The following MKNK1 variants were observed in gnomAD, a reference collection of about 807,000 sequenced individuals.
MKNK1 encodes the protein MAPK interacting serine/threonine kinase 1, also known as MAP kinase-interacting serine/threonine-protein kinase 1.
A neutral mutation model predicts 49.3 loss-of-function variants in MKNK1; 30 were observed. That is an observed-to-expected ratio of 0.61 (90% CI 0.46 to 0.83). The LOEUF is 0.83. Among genes scored for constraint, MKNK1 ranks in the 40% least tolerant of loss-of-function variants. MKNK1 has a pLI of 0.00. For synonymous variants in MKNK1, 176 were observed against 201.7 expected, an observed-to-expected ratio of 0.87 and a Z score of 1.08; for missense variants, 423 against 524.7, an observed-to-expected ratio of 0.81 and a Z score of 1.89.
chr1:46,585,975 C>A (rs1306414599), intron 2 of MKNK1: 8 of 1,339,552 alleles, frequency 6.0e-6, no homozygotes, highest in Admixed American at 3.9e-5. Flanking sequence ...GTTTCTGAAA[C>A]TAGGAAGGAA....
chr1:46,571,667 A>G, intron 7 of MKNK1: 1 of 341,206 alleles, frequency 2.9e-6, no homozygotes, highest in South Asian at 2.3e-5. Context: ...TTTTAAGACT[A>G]GAAGGAATAA....
intron 8 of MKNK1, among the ~76,000 whole-genome samples, chr1:46,565,894 T>A (rs1668973959): frequency 6.6e-6 from 1 of 152,178 alleles, no homozygotes; most frequent in Non-Finnish European, 1.5e-5. Context: ...TCCCTCGACT[T>A]CTTTCTCCCC....
chr1:46,587,299 A>T (rs1672712057), intron 2 of MKNK1, among the ~76,000 whole-genome samples: 1 of 152,076 alleles, frequency 6.6e-6, no homozygotes, highest in East Asian at 1.9e-4. Context: ...GGTCCACCAC[A>T]TGTGTCTATT....
chr1:46,568,086 C>T (rs1669399360), intron 8 of MKNK1: 1 of 204,718 alleles, frequency 4.9e-6, no homozygotes, highest in African/African-American at 2.4e-5. Context: ...CATGCCACTG[C>T]ATTCCAGCTT....
chr1:46,601,074 G>A lies in MKNK1; in HGVS notation c.-171+3111C>T, dbSNP rs947450114. Reference sequence around the variant, plus strand: ...TGGGATTACAGGCACCCACCACCATGCACAGCTAATTTTTGTATTTTTAGT... The same window carrying A: ...TGGGATTACAGGCACCCACCACCATACACAGCTAATTTTTGTATTTTTAGT... On this transcript the variant is annotated intron_variant, in intron 1 of 12. Coordinates refer to ENST00000371945, the MANE Select transcript of MKNK1 (RefSeq NM_001135553.4). 6.6e-5 allele frequency among the ~76,000 whole-genome samples: 10 copies of A among 152,178 alleles called. No homozygotes were observed. In the East Asian group the frequency reaches 1.9e-3, roughly 29 times the overall value.
At chr1:46,576,266 T>C (rs914319344) in intron 5 of MKNK1, 1 of 319,260 alleles carries the variant, frequency 3.1e-6, no homozygotes, top group Non-Finnish European at 6.0e-6. Context: ...TCAGTCAACC[T>C]AGTTTCCACA....
At chr1:46,572,399 T>C in intron 6 of MKNK1, 1 of 342,730 alleles carries the variant, frequency 2.9e-6, no homozygotes, top group Non-Finnish European at 5.6e-6. Flanking sequence ...TTTTTTTTTT[T>C]AGTAGAGATG....
At chr1:46,566,590 T>C (rs1284705021) in intron 8 of MKNK1, among the ~76,000 whole-genome samples, 1 of 152,240 alleles carries the variant, frequency 6.6e-6, no homozygotes, top group African/African-American at 2.4e-5. Context: ...TGCACCATTA[T>C]ATAATCTCAC....
chr1:46,572,290 T>C, intron 6 of MKNK1, 123 bp from the exon 7 acceptor site: 1 of 702,954 alleles, frequency 1.4e-6, no homozygotes, highest in East Asian at 3.1e-5. Context: ...CTCGGCTCAC[T>C]GCAACCTCCG....
chr1:46,581,434 C>G (rs552336858), intron 3 of MKNK1, among the ~76,000 whole-genome samples: 19 of 147,948 alleles, frequency 1.3e-4, no homozygotes, highest in African/African-American at 4.8e-4. Context: ...CGCTTGAACC[C>G]GAGAGGCGGA....
intron 3 of MKNK1, among the ~76,000 whole-genome samples, chr1:46,582,555 A>G (rs1671900567): frequency 6.6e-6 from 1 of 152,212 alleles, no homozygotes; most frequent in Admixed American, 6.5e-5. Flanking sequence ...AAAGAAAACA[A>G]AACAGATGAA....
intron 6 of MKNK1, chr1:46,574,741 A>G (rs939265805): frequency 1.9e-6 from 1 of 535,326 alleles, no homozygotes; most frequent in African/African-American, 1.9e-5. Context: ...TTTATAAAAT[A>G]CCCACACAGG....
At chr1:46,565,804 C>T (rs997633277) in intron 8 of MKNK1, among the ~76,000 whole-genome samples, 21 of 152,180 alleles carry the variant, frequency 1.4e-4, no homozygotes, top group African/African-American at 5.1e-4. Flanking sequence ...GAATGGCCTA[C>T]ATGGCATGTA....
chr1:46,594,080 A>G lies in MKNK1; in HGVS notation c.-3+33T>C, dbSNP rs1401712188. ...AGATCATTTCAATTTGAAGTAATCTAAAAGGATAACTAAAATGTACACCCA... is the reference window on the plus strand; with the variant it reads ...AGATCATTTCAATTTGAAGTAATCTGAAAGGATAACTAAAATGTACACCCA... On this transcript the variant is annotated intron_variant, in intron 2 of 12. Transcript: ENST00000371945. 3.9e-6 allele frequency: 6 copies of G among 1,528,344 alleles called. No individual in the cohort carries two copies. In the South Asian group the frequency reaches 5.6e-5, roughly 14 times the overall value. The allele number at this position is 1,528,344 out of a possible 1,614,324, so 94.7% of individuals were successfully genotyped here. A position where few individuals can be genotyped will look rare whatever the true frequency, so the allele number is the denominator to read the frequency against.
intron 12 of MKNK1, among the ~76,000 whole-genome samples, chr1:46,559,179 G>A (rs549080099): frequency 5.3e-5 from 8 of 152,294 alleles, no homozygotes; most frequent in African/African-American, 1.4e-4. Context: ...CAAGGCCTGC[G>A]CCGCTTATGC....
intron 9 of MKNK1, chr1:46,563,467 T>C (rs965063483): frequency 1.9e-4 from 29 of 152,190 alleles, no homozygotes; most frequent in African/African-American, 6.8e-4. Context: ...AAGCGGCTGA[T>C]AGGAATAAAA....
intron 7 of MKNK1, among the ~76,000 whole-genome samples, 189 bp downstream of exon 7, chr1:46,571,874 C>T (rs529279197): frequency 7.9e-5 from 12 of 152,194 alleles, no homozygotes; most frequent in Non-Finnish European, 1.5e-4. Flanking sequence ...ACCCACCATC[C>T]GCAGCATAAG....
rs1671648157 is a variant in MKNK1, at chr1:46,580,997, G to A, written c.101-370C>T. The stretch of plus-strand genomic sequence containing the variant: ...AGCACTTTGGGAGGCCAAGCCAGGA[G>A]GATTGCTTGAGGCCAGGAGTTCAGA... On this transcript the variant is annotated intron_variant, in intron 3 of 12. Coordinates refer to ENST00000371945, the MANE Select transcript of MKNK1 (RefSeq NM_001135553.4). 2.0e-5 allele frequency among the ~76,000 whole-genome samples: 3 copies of A among 151,758 alleles called. No individual in the cohort carries two copies. In the South Asian group the frequency reaches 6.3e-4, roughly 32 times the overall value.
At chr1:46,574,396 G>A (rs554716877) in intron 6 of MKNK1, 43 of 152,492 alleles carry the variant, frequency 2.8e-4, no homozygotes, top group African/African-American at 8.9e-4. Context: ...TGTGTCCTAA[G>A]ATTGGGGGAG....
Sources: allele counts gnomAD v4.1 joint callset (sites outside exome capture counted in the v4.1 genomes callset), GRCh38; gene constraint gnomAD v4.1.1; transcripts MANE v1.5; gene names NCBI Gene and HGNC (gene_info 2026-07-23, HGNC 2026-07-21).